Variants in PKD2L1 observed in about 807,000 individuals in gnomAD.
PKD2L1 encodes the protein polycystin 2 like 1, transient receptor potential cation channel.
Under a neutral mutation model 93.0 loss-of-function variants are expected in PKD2L1, and 77 were observed. That is an observed-to-expected ratio of 0.83 (90% CI 0.69 to 1.00). The LOEUF (loss-of-function observed/expected upper bound fraction) is 1.00. PKD2L1 is among the 50% of genes least tolerant of loss of function. The pLI is 0.00. For synonymous variants in PKD2L1, 390 were observed against 388.0 expected (o/e 1.01, Z -0.06); for missense variants, 977 against 990.9 (o/e 0.99, Z 0.19).
intron 5 of PKD2L1, 29 bp downstream of exon 5, chr10:100,297,353 G>T (rs553096048): frequency 6.3e-7 from 1 of 1,579,728 alleles, no homozygotes; most frequent in African/African-American, 1.3e-5. Context: ...GCCATGGACA[G>T]GGTGATAAAG....
chr10:100,300,862 T>A (rs1848658695), intron 2 of PKD2L1, among the ~76,000 whole-genome samples: 2 of 152,210 alleles, frequency 1.3e-5, no homozygotes, highest in Non-Finnish European at 2.9e-5. Flanking sequence ...TGATTTTTTT[T>A]TTCACTGTTG....
In PKD2L1 at chr10:100,290,138, C is replaced by T; in HGVS notation, c.2127G>A (p.Met709Ile). The T allele has an allele frequency of 6.2e-7, 1 of 1,613,964 alleles. No homozygotes were observed. The highest frequency in any genetic ancestry group is 8.5e-7 in the Non-Finnish European group (1 of 1,179,972). The change falls in exon 14 of 16, where the codon ATG (methionine) becomes ATA (isoleucine). Residue 709 changes from methionine to isoleucine, a missense_variant and splice_region_variant. Met to Ile is a conservative substitution (Grantham distance 10). Coordinates refer to ENST00000318222, the MANE Select transcript of PKD2L1 (RefSeq NM_016112.3). ...CCAGCTGCAGAACTCTCCTTGTGAG[C>T]CTGTGTGGGATTTGAGAGAGACGAA... ...GGWVSGEEFY[M>I]LTRRVLQLET...
At chr10:100,306,261 C>G (rs887717517) in intron 2 of PKD2L1, among the ~76,000 whole-genome samples, 2 of 152,316 alleles carry the variant, frequency 1.3e-5, no homozygotes, top group Non-Finnish European at 2.9e-5. Flanking sequence ...GAACTGCTGC[C>G]TTGACCTGTT....
chr10:100,298,266 A>G (rs1420819570), intron 4 of PKD2L1, among the ~76,000 whole-genome samples: 2 of 152,172 alleles, frequency 1.3e-5, no homozygotes, highest in Non-Finnish European at 2.9e-5. Flanking sequence ...CTAGGCAAGA[A>G]AGGAAGCTTT....
At chr10:100,320,237 A>G (rs1488927746) in intron 2 of PKD2L1, among the ~76,000 whole-genome samples, 1 of 152,260 alleles carries the variant, frequency 6.6e-6, no homozygotes, top group Non-Finnish European at 1.5e-5. Context: ...ATCTCTGTGT[A>G]AGGTTTAAAG....
At chr10:100,297,342 A>G in intron 5 of PKD2L1, 40 bp downstream of exon 5, 1 of 1,564,466 alleles carries the variant, frequency 6.4e-7, no homozygotes, top group Non-Finnish European at 8.8e-7. Flanking sequence ...GGGAACCAGG[A>G]GCCATGGACA....
chr10:100,311,338 C>T (rs1403421159), intron 2 of PKD2L1, among the ~76,000 whole-genome samples: 2 of 152,160 alleles, frequency 1.3e-5, no homozygotes, highest in Non-Finnish European at 2.9e-5. Context: ...GTAGTTCTAA[C>T]AGGCTATATT....
At chr10:100,317,355 C>T (rs1184134456) in intron 2 of PKD2L1, among the ~76,000 whole-genome samples, 3 of 151,706 alleles carry the variant, frequency 2.0e-5, no homozygotes, top group Admixed American at 6.6e-5. Context: ...GCCTGGGCAA[C>T]ATAACGAGAC....
chr10:100,304,713 G>C (rs1342082719), intron 2 of PKD2L1, among the ~76,000 whole-genome samples: 3 of 152,254 alleles, frequency 2.0e-5, no homozygotes, highest in South Asian at 4.1e-4. Context: ...CTGAACTCCT[G>C]AACTCAAGCT....
chr10:100,329,104 A>T, intron 2 of PKD2L1, 107 bp downstream of exon 2: 1 of 1,029,092 alleles, frequency 9.7e-7, no homozygotes, highest in Non-Finnish European at 1.5e-6. Context: ...CTGCTTACAC[A>T]GATAGATGCT....
At chr10:100,319,316 A>T (rs957142855) in intron 2 of PKD2L1, among the ~76,000 whole-genome samples, 3 of 152,246 alleles carry the variant, frequency 2.0e-5, no homozygotes, top group African/African-American at 7.2e-5. Flanking sequence ...GTTTAGAATG[A>T]TTTAAGTATC....
At position 100,297,683 on chromosome 10, in the gene PKD2L1, G is replaced by T. The variant is rs1020149084; in HGVS notation, c.732-77C>A. The T allele has an allele frequency of 1.1e-4, 104 of 970,648 alleles. No homozygotes were observed. The African/African-American group carries it at 1.6e-3, about 15-fold the overall frequency. 60.1% of individuals were successfully genotyped at this position (970,648 alleles called of 1,614,324 possible). ...AATGGCAATGCTTTATCATTGTCTG[G>T]GCTTTACAGGTTTACATATTGTGTG... On this transcript the variant is annotated intron_variant, in intron 4 of 15. Transcript: ENST00000318222.
At chr10:100,290,978 T>C (rs1848393641) in intron 12 of PKD2L1, among the ~76,000 whole-genome samples, 1 of 152,202 alleles carries the variant, frequency 6.6e-6, no homozygotes, top group Non-Finnish European at 1.5e-5. Context: ...TGGTCATTTT[T>C]CCCTAAGCCT....
chr10:100,296,925 G>A, intron 6 of PKD2L1, 55 bp downstream of exon 6: 1 of 1,199,706 alleles, frequency 8.3e-7, no homozygotes, highest in Non-Finnish European at 1.2e-6. Context: ...CCCTATTAGG[G>A]TGGAACTCCC....
At chr10:100,294,761 GAC>G (rs1440964802) in intron 8 of PKD2L1, 106 bp from the exon 9 acceptor site, 6 of 1,490,934 alleles carry the variant, frequency 4.0e-6, no homozygotes, top group Non-Finnish European at 5.6e-6. Context: ...CAATCTGATA[GAC>G]ACAGGGCAGG....
At chr10:100,328,878 C>T (rs568209781) in intron 2 of PKD2L1, among the ~76,000 whole-genome samples, 178 of 152,326 alleles carry the variant, frequency 1.2e-3, no homozygotes, top group African/African-American at 3.6e-3. Context: ...GCGTGAGCCA[C>T]CGTGCCAGCC....
At chr10:100,328,410 T>C (rs953160450) in intron 2 of PKD2L1, among the ~76,000 whole-genome samples, 1 of 152,182 alleles carries the variant, frequency 6.6e-6, no homozygotes, top group Admixed American at 6.5e-5. Flanking sequence ...CACCATACCA[T>C]GTGTTTCCCT....
chr10:100,293,291 A>T lies in PKD2L1; in HGVS notation c.1748T>A (p.Leu583His). The T allele has an allele frequency of 6.2e-7, 1 of 1,609,320 alleles. No homozygotes were observed. The highest frequency in any genetic ancestry group is 8.5e-7 in the Non-Finnish European group (1 of 1,175,606). ...GQKDELQLSD[L>H]LKQGYNKTLL... Reference sequence around the variant, plus strand: ...AGATTGAGCAATCACCTGTTTCAGGAGGTCAGAAAGTTGCAGCTCATCCTT... The same window carrying T: ...AGATTGAGCAATCACCTGTTTCAGGTGGTCAGAAAGTTGCAGCTCATCCTT... The change falls in exon 10 of 16, where the codon CTC (leucine) becomes CAC (histidine). Residue 583 changes from leucine to histidine, a missense_variant. Physicochemically the swap from Leu to His is moderately conservative, Grantham distance 99 (BLOSUM62 -3). Coordinates refer to ENST00000318222, the MANE Select transcript of PKD2L1 (RefSeq NM_016112.3).
At chr10:100,326,990 A>G (rs988708859) in intron 2 of PKD2L1, among the ~76,000 whole-genome samples, 5 of 152,212 alleles carry the variant, frequency 3.3e-5, no homozygotes, top group African/African-American at 1.2e-4. Flanking sequence ...CAAACAGTTG[A>G]AAGGTTGTCA....
Sources: allele counts gnomAD v4.1 joint callset (sites outside exome capture counted in the v4.1 genomes callset), GRCh38; gene constraint gnomAD v4.1.1; transcripts MANE v1.5; gene names NCBI Gene and HGNC (gene_info 2026-07-23, HGNC 2026-07-21).